Variants in ADGRV1 observed in about 807,000 individuals in gnomAD.
ADGRV1 encodes the protein adhesion G protein-coupled receptor V1.
In ADGRV1, 359 loss-of-function variants were observed where a neutral mutation model predicts 596.2. The observed-to-expected ratio is 0.60, with a 90% CI of 0.55 to 0.66. The LOEUF (loss-of-function observed/expected upper bound fraction) is 0.66, where lower values mean the gene tolerates loss of function less well. Among genes scored for constraint, ADGRV1 ranks in the 30% least tolerant of loss-of-function variants. ADGRV1 has a pLI of 0.00. For missense variants in ADGRV1, 7,274 were observed against 7,575.6 expected, an observed-to-expected ratio of 0.96 and a Z score of 1.48; for synonymous variants, 2,681 against 2,679.2, an observed-to-expected ratio of 1.00 and a Z score of -0.02.
intron 20 of ADGRV1, 43 bp from the exon 21 acceptor site, chr5:90,657,862 C>A: frequency 6.6e-7 from 1 of 1,517,248 alleles, no homozygotes; most frequent in Non-Finnish European, 8.8e-7. Flanking sequence ...TAGGACAGGA[C>A]ACTTGAAGGT....
intron 83 of ADGRV1, among the ~76,000 whole-genome samples, chr5:90,950,488 A>G (rs1162258787): frequency 1.3e-5 from 2 of 151,854 alleles, no homozygotes; most frequent in East Asian, 1.9e-4. Context: ...TGCCCAGCTA[A>G]TTTTTGTATT....
chr5:90,828,885 A>G (rs540428386), intron 76 of ADGRV1, 59 bp from the exon 77 acceptor site: 2 of 1,139,290 alleles, frequency 1.8e-6, no homozygotes, highest in East Asian at 5.2e-5. Context: ...TATCAGAACT[A>G]TCTACAGATA....
At chr5:90,854,673 ATTCT>A (rs1412027216) in intron 81 of ADGRV1, among the ~76,000 whole-genome samples, 1 of 152,154 alleles carries the variant, frequency 6.6e-6, no homozygotes, top group African/African-American at 2.4e-5. Flanking sequence ...GGAAAGAATG[ATTCT>A]TTTTTTGAAT....
At chr5:90,967,736 C>T (rs1778603735) in intron 84 of ADGRV1, among the ~76,000 whole-genome samples, 2 of 152,128 alleles carry the variant, frequency 1.3e-5, no homozygotes, top group Admixed American at 1.3e-4. Context: ...TGAAGAGAAA[C>T]TGTACTGTGA....
At chr5:90,658,385 A>G in intron 21 of ADGRV1, 107 bp downstream of exon 21, 1 of 986,598 alleles carries the variant, frequency 1.0e-6, no homozygotes, top group Non-Finnish European at 1.4e-6. Context: ...CATCTACTCC[A>G]AGTCCAGAAG....
intron 85 of ADGRV1, among the ~76,000 whole-genome samples, chr5:91,065,731 C>G (rs1484065758): frequency 6.6e-6 from 1 of 152,030 alleles, no homozygotes; most frequent in Non-Finnish European, 1.5e-5. Context: ...TAAAGCATTA[C>G]CGAGGAGAGA....
At chr5:90,843,903 G>T (rs953029506) in intron 78 of ADGRV1, among the ~76,000 whole-genome samples, 1 of 152,044 alleles carries the variant, frequency 6.6e-6, no homozygotes, top group East Asian at 1.9e-4. Context: ...TTTAAGCATA[G>T]CAATAATAAT....
At chr5:90,714,581 A>C (rs1346077563) in intron 42 of ADGRV1, among the ~76,000 whole-genome samples, 1 of 151,876 alleles carries the variant, frequency 6.6e-6, no homozygotes, top group Non-Finnish European at 1.5e-5. Context: ...CATTGTTTTG[A>C]TTTATATTTA....
intron 85 of ADGRV1, among the ~76,000 whole-genome samples, chr5:90,999,883 GA>G (rs1279284846): frequency 6.6e-6 from 1 of 152,056 alleles, no homozygotes; most frequent in Non-Finnish European, 1.5e-5. Context: ...TACAATTTAA[GA>G]AAAACCATTC....
chr5:90,865,605 A>T (rs1218942862), intron 83 of ADGRV1, among the ~76,000 whole-genome samples: 1 of 152,144 alleles, frequency 6.6e-6, no homozygotes, highest in African/African-American at 2.4e-5. Flanking sequence ...GTAGTGTATG[A>T]CTTGTGACAT....
chr5:90,672,948 A>G (rs777466986), intron 22 of ADGRV1: 174 of 446,372 alleles, frequency 3.9e-4, no homozygotes, highest in Non-Finnish European at 3.9e-4. Flanking sequence ...TTATCATGAC[A>G]TTTTTGCGTT....
At chr5:90,870,420 A>G (rs1768550594) in intron 83 of ADGRV1, among the ~76,000 whole-genome samples, 1 of 152,196 alleles carries the variant, frequency 6.6e-6, no homozygotes, top group Non-Finnish European at 1.5e-5. Flanking sequence ...AAACTCACGT[A>G]TTTAGAGACC....
At chr5:90,870,666 G>A (rs1256206435) in intron 83 of ADGRV1, among the ~76,000 whole-genome samples, 1 of 152,192 alleles carries the variant, frequency 6.6e-6, no homozygotes, top group Non-Finnish European at 1.5e-5. Context: ...CCACACCTGT[G>A]AAGTTTGTCA....
At chr5:91,150,001 T>C in intron 87 of ADGRV1, 29 bp from the exon 88 acceptor site, 1 of 1,402,472 alleles carries the variant, frequency 7.1e-7, no homozygotes, top group Non-Finnish European at 9.3e-7. Context: ...TTCTTTTTCT[T>C]TTCTTTTCTT....
chr5:90,788,365 A>G, intron 68 of ADGRV1, 55 bp downstream of exon 68: 1 of 1,477,694 alleles, frequency 6.8e-7, no homozygotes, highest in Non-Finnish European at 9.2e-7. Context: ...TTTATCAGAA[A>G]ATACATTTAC....
intron 1 of ADGRV1, among the ~76,000 whole-genome samples, chr5:90,611,054 A>G (rs1762675360): frequency 6.8e-6 from 1 of 146,710 alleles, no homozygotes; most frequent in African/African-American, 2.5e-5. Context: ...CAACCCTATG[A>G]CTCTGTTTAA....
chr5:90,764,429 A>G (rs1167078884), intron 59 of ADGRV1, among the ~76,000 whole-genome samples: 1 of 152,192 alleles, frequency 6.6e-6, no homozygotes, highest in East Asian at 1.9e-4. Context: ...TGAAAAAAGC[A>G]CACACAAAAA....
Sources: allele counts gnomAD v4.1 joint callset (sites outside exome capture counted in the v4.1 genomes callset), GRCh38; gene constraint gnomAD v4.1.1; transcripts MANE v1.5; gene names NCBI Gene and HGNC (gene_info 2026-07-23, HGNC 2026-07-21).